Variants in PDE8B observed in about 807,000 individuals in gnomAD.
PDE8B encodes the protein phosphodiesterase 8B.
A neutral mutation model predicts 101.3 loss-of-function variants in PDE8B; 26 were observed. That is an observed-to-expected ratio of 0.26 (90% CI 0.19 to 0.36). The LOEUF (loss-of-function observed/expected upper bound fraction) is 0.36. Among genes scored for constraint, PDE8B ranks in the 10% least tolerant of loss-of-function variants. PDE8B has a pLI of 1.00. For synonymous variants in PDE8B, 424 were observed against 429.3 expected (o/e 0.99, Z 0.15); for missense variants, 810 against 1,163.1 (o/e 0.70, Z 4.42).
Position 77,407,391 on chromosome 5 carries a change from G to A in PDE8B, c.1299G>A (p.Leu433=), listed in dbSNP as rs376289812. ...ISSRGSDAPS[L]QNRRYPSMAR... ...TTGCCTTCTCTCCAGCACCAAGCCT[G>A]CAGAATCGTCGCTATCCGTCCATGG... The change falls in exon 13 of 22, where the codon CTG becomes CTA. Residue 433 remains leucine, a synonymous_variant. Transcript: ENST00000264917. 4.7e-5 allele frequency: 76 copies of A among 1,613,984 alleles called. 1 individual carries two copies. Among genetic ancestry groups the A allele is most frequent in the Admixed American group, 3.7e-4 (22 of 60,022 alleles).
chr5:77,108,777 G>C, the PDE8B span, among the ~76,000 whole-genome samples: 1 of 151,946 alleles, frequency 6.6e-6, no homozygotes, highest in African/African-American at 2.4e-5. Flanking sequence ...TTTACTTTTT[G>C]TAAAGTAAAA....
At chr5:77,380,476 A>C (rs1432872190) in intron 10 of PDE8B, among the ~76,000 whole-genome samples, 1 of 152,214 alleles carries the variant, frequency 6.6e-6, no homozygotes, top group Non-Finnish European at 1.5e-5. Context: ...CCATGGATGT[A>C]TTTTAAATGG....
the PDE8B span, among the ~76,000 whole-genome samples, chr5:77,193,824 A>ACTTTTAAATTTCT: frequency 0.039 from 5,866 of 152,224 alleles, 392 homozygotes; most frequent in African/African-American, 0.13. Context: ...ATTTAATTAG[A>ACTTTTAAATTTCT]CTTTTAAATT....
At chr5:77,359,699 G>C (rs1188242178) in intron 10 of PDE8B, among the ~76,000 whole-genome samples, 1 of 152,148 alleles carries the variant, frequency 6.6e-6, no homozygotes, top group African/African-American at 2.4e-5. Context: ...CTGCTCACCA[G>C]TAATAACCAG....
At chr5:77,296,952 C>T (rs1768719606) in intron 1 of PDE8B, among the ~76,000 whole-genome samples, 1 of 152,106 alleles carries the variant, frequency 6.6e-6, no homozygotes, top group Admixed American at 6.5e-5. Context: ...ACTGCCTTTC[C>T]TGTATGCTGG....
At chr5:77,420,035 T>C (rs1409479463) in intron 19 of PDE8B, 148 bp downstream of exon 19, 3 of 903,706 alleles carry the variant, frequency 3.3e-6, no homozygotes, top group Non-Finnish European at 5.3e-6. Flanking sequence ...GGCCACTTGT[T>C]TTCCTTGGGG....
chr5:77,198,498 G>A, the PDE8B span, among the ~76,000 whole-genome samples: 2 of 152,082 alleles, frequency 1.3e-5, no homozygotes, highest in African/African-American at 2.4e-5. Context: ...CCATGATTTT[G>A]GTCTTCTCAC....
rs1779882190 is a variant in PDE8B at position 77,344,945 on chromosome 5, C to G, written c.876+14C>G. The G allele has an allele frequency of 6.5e-7, 1 of 1,542,168 alleles. No individual in the cohort carries two copies. On this transcript the variant is annotated intron_variant, in intron 7 of 21. Coordinates refer to ENST00000264917, the MANE Select transcript of PDE8B (RefSeq NM_003719.5). ...CACGTGATTCAGGTATGGAAAGAAA[C>G]CACCTCTATCATTAACATTCAAAAT...
chr5:77,115,319 A>G, the PDE8B span: 3 of 152,212 alleles, frequency 2.0e-5, no homozygotes, highest in African/African-American at 7.2e-5. Flanking sequence ...GCCTTAATAA[A>G]TACGTGTGGA....
At chr5:77,104,400 G>C in the PDE8B span, 1 of 152,124 alleles carries the variant, frequency 6.6e-6, no homozygotes, top group Non-Finnish European at 1.5e-5. Flanking sequence ...AGTATTAAGA[G>C]GTGGGACTTT....
chr5:77,365,202 A>C (rs920352480), intron 10 of PDE8B, among the ~76,000 whole-genome samples: 5 of 152,130 alleles, frequency 3.3e-5, no homozygotes, highest in Non-Finnish European at 7.4e-5. Context: ...TTATCAAAGA[A>C]AACAACAACA....
At chr5:77,148,513 A>C in the PDE8B span, 2 of 152,208 alleles carry the variant, frequency 1.3e-5, no homozygotes, top group African/African-American at 4.8e-5. Context: ...TGATGGTTTC[A>C]ATTTTCCCAC....
intron 1 of PDE8B, among the ~76,000 whole-genome samples, chr5:77,273,332 G>GTAA (rs1392095833): frequency 6.6e-6 from 1 of 152,116 alleles, no homozygotes; most frequent in Non-Finnish European, 1.5e-5. Context: ...GAACAGGCAG[G>GTAA]TAATAGCCTA....
At chr5:77,256,730 G>T (rs992331721) in intron 1 of PDE8B, among the ~76,000 whole-genome samples, 11 of 152,046 alleles carry the variant, frequency 7.2e-5, no homozygotes, top group African/African-American at 2.4e-5. Context: ...TAATAATGAG[G>T]TACTGCAAAG....
chr5:77,191,865 G>T, the PDE8B span, among the ~76,000 whole-genome samples: 4 of 152,128 alleles, frequency 2.6e-5, no homozygotes, highest in African/African-American at 9.7e-5. Flanking sequence ...ATCAGTGGGA[G>T]CCCTGAGCTT....
chr5:77,127,796 A>C, the PDE8B span, among the ~76,000 whole-genome samples: 5,483 of 152,172 alleles, frequency 0.036, 143 homozygotes, highest in Middle Eastern at 0.075. Context: ...TAGAGGATGA[A>C]AATTAATCTA....
chr5:77,260,268 T>C (rs749029305), intron 1 of PDE8B, among the ~76,000 whole-genome samples: 5 of 152,132 alleles, frequency 3.3e-5, no homozygotes, highest in Non-Finnish European at 7.3e-5. Context: ...AGGATTCTTT[T>C]GAAAAGCTCT....
chr5:77,424,381 A>C (rs1263840760), intron 20 of PDE8B, among the ~76,000 whole-genome samples: 1 of 152,240 alleles, frequency 6.6e-6, no homozygotes, highest in Non-Finnish European at 1.5e-5. Context: ...CCTAAAAATG[A>C]AAGTTACAAA....
chr5:77,197,267 A>G, the PDE8B span, among the ~76,000 whole-genome samples: 1 of 146,138 alleles, frequency 6.8e-6, no homozygotes, highest in Non-Finnish European at 1.5e-5. Flanking sequence ...ATCCACCACC[A>G]TGCCTGGCTA....
Sources: allele counts gnomAD v4.1 joint callset (sites outside exome capture counted in the v4.1 genomes callset), GRCh38; gene constraint gnomAD v4.1.1; transcripts MANE v1.5; gene names NCBI Gene and HGNC (gene_info 2026-07-23, HGNC 2026-07-21).